Variants in METTL3 observed in about 807,000 individuals in gnomAD.
METTL3 encodes the protein methyltransferase 3, N6-adenosine-methyltransferase complex catalytic subunit.
In METTL3, 42 loss-of-function variants were observed where a neutral mutation model predicts 64.3. That is an observed-to-expected ratio of 0.65 (90% CI 0.51 to 0.84). The LOEUF is 0.84. Among genes scored for constraint, METTL3 ranks in the 40% least tolerant of loss-of-function variants. The pLI, the probability that METTL3 is intolerant of heterozygous loss-of-function variation, is 0.00. For synonymous variants in METTL3, 256 were observed against 263.6 expected (o/e 0.97, Z 0.28); for missense variants, 435 against 722.3 (o/e 0.60, Z 4.56).
At chr14:21,502,638 G>A (rs1891595939) in intron 3 of METTL3, 1 of 155,332 alleles carries the variant, frequency 6.4e-6, no homozygotes, top group African/African-American at 2.4e-5. Flanking sequence ...AGGCTCAAGA[G>A]AAGTTAATTA....
At chr14:21,507,703 T>G (rs1566496280) in intron 1 of METTL3, 1 of 152,172 alleles carries the variant, frequency 6.6e-6, no homozygotes, top group Non-Finnish European at 1.5e-5. Flanking sequence ...TCTGAACTTT[T>G]ATCAAGTCTT....
intron 8 of METTL3, 23 bp from the exon 9 acceptor site, chr14:21,499,394 T>A: frequency 6.2e-7 from 1 of 1,613,932 alleles, no homozygotes; most frequent in Non-Finnish European, 8.5e-7. Flanking sequence ...GATAACAGAT[T>A]ACCTTATGAA....
chr14:21,511,040 G>A (rs1055995396), intron 1 of METTL3, 84 bp downstream of exon 1: 13 of 1,474,650 alleles, frequency 8.8e-6, no homozygotes, highest in Non-Finnish European at 1.2e-5. Flanking sequence ...GTTTGGTAAA[G>A]GGCAGTGACT....
Position 21,498,831 on chromosome 14 carries a change from C to G in METTL3, c.1631+194G>C, listed in dbSNP as rs772152060. Reference sequence around the variant, plus strand: ...ACCCTAGGGAGCAGTGCTTTTGGGTCCTAGAACCTGTTGAGTTTCTAATGA... The same window carrying G: ...ACCCTAGGGAGCAGTGCTTTTGGGTGCTAGAACCTGTTGAGTTTCTAATGA... On this transcript the variant is annotated intron_variant, in intron 10 of 10. Transcript: ENST00000298717. 60 of 569,654 alleles carry G rather than the reference C, an allele frequency of 1.1e-4. No homozygotes were observed. The South Asian group carries it at 1.2e-3, about 11-fold the overall frequency. 35.3% of individuals were successfully genotyped at this position (569,654 alleles called of 1,614,324 possible). A position where few individuals can be genotyped will look rare whatever the true frequency, so the allele number is the denominator to read the frequency against.
At chr14:21,507,303 T>C (rs1016313271) in intron 1 of METTL3, among the ~76,000 whole-genome samples, 3 of 152,254 alleles carry the variant, frequency 2.0e-5, no homozygotes, top group Non-Finnish European at 2.9e-5. Context: ...GTTCATTTTA[T>C]ATCCTTGTCT....
chr14:21,504,710 C>T (rs995742867), intron 1 of METTL3: 6 of 151,876 alleles, frequency 4.0e-5, no homozygotes, highest in East Asian at 1.9e-4. Context: ...GTGGGTGGAT[C>T]ACTTGAGGTG....
intron 3 of METTL3, 24 bp downstream of exon 3, chr14:21,503,149 A>G (rs757048013): frequency 6.3e-7 from 1 of 1,583,822 alleles, no homozygotes; most frequent in South Asian, 1.2e-5. Flanking sequence ...GCATATTGTG[A>G]GAGTATTTTC....
chr14:21,510,905 A>C (rs951461171), intron 1 of METTL3: 10 of 523,514 alleles, frequency 1.9e-5, no homozygotes, highest in Non-Finnish European at 3.0e-5. Flanking sequence ...TCCGTCCGGT[A>C]AAAGTGAGCT....
rs1180335236 is a variant in METTL3, at chr14:21,503,314, T to C, written c.582A>G (p.Leu194=). The change falls in exon 3 of 11, where the codon TTA becomes TTG. Residue 194 remains leucine, a synonymous_variant. Coordinates refer to ENST00000298717, the MANE Select transcript of METTL3 (RefSeq NM_019852.5). ...ATGCTGAAGAGTTCAGACCAGAGACTAACGAACTGGCAAAGGCAGCTACTG... is the reference window on the plus strand; with the variant it reads ...ATGCTGAAGAGTTCAGACCAGAGACCAACGAACTGGCAAAGGCAGCTACTG... ...STTVAAFASS[L]VSGLNSSASE... is the part of the protein sequence containing the mutation. The C allele has an allele frequency of 6.2e-7, 1 of 1,614,052 alleles. No homozygotes were observed. The highest frequency in any genetic ancestry group is 1.3e-5 in the African/African-American group (1 of 74,908).
At chr14:21,505,653 G>A (rs1486040574) in intron 1 of METTL3, among the ~76,000 whole-genome samples, 4 of 152,160 alleles carry the variant, frequency 2.6e-5, no homozygotes, top group Non-Finnish European at 5.9e-5. Context: ...AGTTTTGTAT[G>A]TATACAGACA....
At chr14:21,504,674 T>TAAC (rs944618698) in intron 1 of METTL3, 4 of 152,162 alleles carry the variant, frequency 2.6e-5, no homozygotes, top group African/African-American at 9.7e-5. Context: ...CTCACGCCTG[T>TAAC]AATCCCAGCA....
chr14:21,503,468 G>C lies in METTL3; in HGVS notation c.428C>G (p.Thr143Ser). 6.2e-7 allele frequency: 1 copy of C among 1,613,438 alleles called. No individual in the cohort carries two copies. Among genetic ancestry groups the C allele is most frequent in the Non-Finnish European group, 8.5e-7 (1 of 1,180,032 alleles). Residue 143 changes from threonine (T) to serine (S), a missense_variant, in exon 3 of 11, where the codon ACT becomes AGT. Thr to Ser is a moderately conservative substitution (Grantham distance 58). Around this residue, in one of 9 missense-constraint regions of METTL3, gnomAD observed 228 missense variants for 279.6 expected, o/e 0.82. Coordinates refer to ENST00000298717, the MANE Select transcript of METTL3 (RefSeq NM_019852.5). ...GGAATGGTCAGCATAGGTTACAAGA[G>C]TAGGATGTGCATCATCTTGTAGGAG... ...RGLLQDDAHPTLVTYADHSKL... is the reference protein window; with the variant it reads ...RGLLQDDAHPSLVTYADHSKL...
At chr14:21,510,987 G>T in intron 1 of METTL3, 137 bp downstream of exon 1, 2 of 967,214 alleles carry the variant, frequency 2.1e-6, no homozygotes, top group Non-Finnish European at 2.9e-6. Flanking sequence ...GCTGCTGAAG[G>T]TGGAGAGGGA....
At chr14:21,506,502 C>T (rs1891700721) in intron 1 of METTL3, among the ~76,000 whole-genome samples, 2 of 151,974 alleles carry the variant, frequency 1.3e-5, no homozygotes, top group Admixed American at 6.6e-5. Context: ...TGCAGTGAGC[C>T]GAGATCGCGC....
intron 7 of METTL3, 69 bp downstream of exon 7, chr14:21,499,695 G>A: frequency 6.3e-7 from 1 of 1,577,916 alleles, no homozygotes; most frequent in Non-Finnish European, 8.7e-7. Flanking sequence ...GAATAGTCTG[G>A]GAGAAGAGAA....
Position 21,499,079 on chromosome 14 carries a change from G to A in METTL3, c.1577C>T (p.Pro526Leu). The change falls in exon 10 of 11, where the codon CCT becomes CTT. Residue 526 changes from proline (P) to leucine (L), a missense_variant. Transcript: ENST00000298717. ...EIYGMIERLS[P>L]GTRKIELFGR... is the part of the protein sequence containing the mutation. ...AAATAACTCAATCTTGCGAGTGCCA[G>A]GAGATAGTCTTTCAATCATGCCATA... 6.2e-7 allele frequency: 1 copy of A among 1,614,156 alleles called. No homozygotes were observed. Among genetic ancestry groups the A allele is most frequent in the Non-Finnish European group, 8.5e-7 (1 of 1,180,028 alleles).
intron 1 of METTL3, among the ~76,000 whole-genome samples, chr14:21,509,213 G>A (rs1483049798): frequency 2.0e-5 from 3 of 152,092 alleles, no homozygotes; most frequent in Non-Finnish European, 2.9e-5. Context: ...GGTAGCACAC[G>A]CCTGTGGCCC....
At chr14:21,498,500 C>G (rs1891466488) in intron 10 of METTL3, 131 bp from the exon 11 acceptor site, 2 of 807,756 alleles carry the variant, frequency 2.5e-6, no homozygotes, top group South Asian at 3.5e-5. Flanking sequence ...AAGAGCTTAA[C>G]ATTAGAATAG....
Position 21,511,322 on chromosome 14 carries a change from C to T in METTL3, c.-99G>A, listed in dbSNP as rs1048529735. 1 of 1,479,326 alleles carries T rather than the reference C, an allele frequency of 6.8e-7. No individual in the cohort carries two copies. 91.6% of individuals were successfully genotyped at this position (1,479,326 alleles called of 1,614,324 possible). A position where few individuals can be genotyped will look rare whatever the true frequency, so the allele number is the denominator to read the frequency against. ...ATAGCCAATTCTCACGCGGACACCC[C>T]GAAGGCTAACCGGAAAATGACCCCT... On this transcript the variant is annotated 5_prime_UTR_variant, in exon 1 of 11. Transcript: ENST00000298717.
Sources: gnomAD v4.1 joint callset for allele counts (sites outside exome capture counted in the v4.1 genomes callset) on GRCh38, gnomAD v4.1.1 for gene constraint, gnomAD v4.1.1 regional missense constraint, MANE v1.5 for transcripts, NCBI Gene and HGNC (gene_info 2026-07-23, HGNC 2026-07-21) for gene names.